ZNF653: variants seen among roughly 807,000 people sequenced by gnomAD.
ZNF653 encodes the protein 67 kDa zinc finger protein.
In ZNF653, 37 loss-of-function variants were observed where a neutral mutation model predicts 59.9. The observed-to-expected ratio is 0.62, with a 90% CI of 0.48 to 0.81. The LOEUF (loss-of-function observed/expected upper bound fraction) is 0.81. Ranked by LOEUF, ZNF653 falls within the 40% of genes least tolerant of loss-of-function variation. The probability of loss-of-function intolerance (pLI) is 0.00; values close to 1 mark genes in which losing one functional copy is unlikely to be tolerated. For missense variants in ZNF653, 808 were observed against 881.1 expected (o/e 0.92, Z 1.05); for synonymous variants, 435 against 371.8 (o/e 1.17, Z -1.96).
chr19:11,490,091 C>T (rs1162776727), intron 3 of ZNF653, among the ~76,000 whole-genome samples: 1 of 152,224 alleles, frequency 6.6e-6, no homozygotes, highest in Non-Finnish European at 1.5e-5. Flanking sequence ...TCCTGGGCTA[C>T]CCTGTATGTC....
rs529706077 is a variant in ZNF653 at position 11,485,557 on chromosome 19, G to C, written c.1570+99C>G. 3.8e-5 allele frequency: 34 copies of C among 888,684 alleles called. No individual in the cohort carries two copies. In the African/African-American group the frequency reaches 5.6e-4, roughly 15 times the overall value. 55.0% of individuals were successfully genotyped at this position (888,684 alleles called of 1,614,324 possible). A position where few individuals can be genotyped will look rare whatever the true frequency, so the allele number is the denominator to read the frequency against. On this transcript the variant is annotated intron_variant, in intron 7 of 8. Coordinates refer to ENST00000293771, the MANE Select transcript of ZNF653 (RefSeq NM_138783.4). ...CTAGGGGTGTAGTCCTGTGCCCGGA[G>C]ACCCAGCACTGGGCTTTGACCCGCC...
intron 3 of ZNF653, among the ~76,000 whole-genome samples, chr19:11,491,555 C>T (rs1263564582): frequency 6.6e-6 from 1 of 152,140 alleles, no homozygotes; most frequent in Non-Finnish European, 1.5e-5. Context: ...GTTCCTGCCT[C>T]AAGGCCTTTG....
intron 2 of ZNF653, among the ~76,000 whole-genome samples, 180 bp downstream of exon 2, chr19:11,498,116 A>C (rs2287671): frequency 0.078 from 11,833 of 152,254 alleles, 739 homozygotes; most frequent in African/African-American, 0.17. Context: ...GAGCAAGAGA[A>C]TGAGGGAGCC....
chr19:11,485,618 G>A (rs1406083754), intron 7 of ZNF653, 38 bp downstream of exon 7: 1 of 1,552,190 alleles, frequency 6.4e-7, no homozygotes, highest in African/African-American at 1.4e-5. Context: ...ATGTCCCTGT[G>A]TCCCCCGCTC....
Position 11,487,399 on chromosome 19 carries a change from G to A in ZNF653, c.1064C>T (p.Pro355Leu). ...TGCCACACCCTCCATCATGGCACAGGGCACCTCCTCGCCCAGTCCACTGCC... is the reference window on the plus strand; with the variant it reads ...TGCCACACCCTCCATCATGGCACAGAGCACCTCCTCGCCCAGTCCACTGCC... ...VPGSGLGEEVPCAMMEGVAAY... is the reference protein window; with the variant it reads ...VPGSGLGEEVLCAMMEGVAAY... The change falls in exon 4 of 9, where the codon CCC becomes CTC. Residue 355 changes from proline to leucine, a missense_variant. Coordinates refer to ENST00000293771, the MANE Select transcript of ZNF653 (RefSeq NM_138783.4). This position sits in a 1 kb window ranked among gnomAD's most constrained non-coding sequence, Gnocchi z 5.1. 1.2e-6 allele frequency: 2 copies of A among 1,612,394 alleles called. No homozygotes were observed. The highest frequency in any genetic ancestry group is 1.7e-6 in the Non-Finnish European group (2 of 1,179,914).
chr19:11,485,808 C>A, intron 6 of ZNF653, 38 bp from the exon 7 acceptor site: 1 of 1,524,986 alleles, frequency 6.6e-7, no homozygotes, highest in African/African-American at 1.4e-5. Context: ...CCCATAGGCC[C>A]ACAGAAGGGG....
At position 11,496,149 on chromosome 19, in the gene ZNF653, C is replaced by T; in HGVS notation, c.360G>A (p.Val120=). ...AGATCACCACGTTCTTCAGGCAGTT[C>T]ACGTTGCGTCGCCGCCCTATGGACA... ...PKRKKRRRRN[V]NCLKNVVIWY... Residue 120 remains valine, a synonymous_variant, in exon 3 of 9, where the codon GTG becomes GTA. Transcript: ENST00000293771. 6.2e-7 allele frequency: 1 copy of T among 1,613,782 alleles called. No homozygotes were observed. Among genetic ancestry groups the T allele is most frequent in the Non-Finnish European group, 8.5e-7 (1 of 1,179,992 alleles).
Position 11,502,935 on chromosome 19 carries a change from G to A in ZNF653, c.299+2553C>T, listed in dbSNP as rs552737832. Among the ~76,000 whole-genome samples, 8 of 152,234 alleles carry A rather than the reference G, an allele frequency of 5.3e-5. No individual in the cohort carries two copies. The South Asian group carries it at 1.2e-3, about 24-fold the overall frequency. ...TGTAATCCCAGCTACTCGGGAGGCTGAGGCAGGAGAATCGCTTGAACGCGG... is the reference window on the plus strand; with the variant it reads ...TGTAATCCCAGCTACTCGGGAGGCTAAGGCAGGAGAATCGCTTGAACGCGG... On this transcript the variant is annotated intron_variant, in intron 1 of 8. Transcript: ENST00000293771.
Position 11,505,590 on chromosome 19 carries a change from T to C in ZNF653, c.197A>G (p.His66Arg). 1 of 1,508,958 alleles carries C rather than the reference T, an allele frequency of 6.6e-7. No individual in the cohort carries two copies. Among genetic ancestry groups the C allele is most frequent in the Non-Finnish European group, 8.8e-7 (1 of 1,136,776 alleles). The allele number at this position is 1,508,958 out of a possible 1,614,324, so 93.5% of individuals were successfully genotyped here. Residue 66 changes from histidine (H) to arginine (R), a missense_variant, in exon 1 of 9, where the codon CAC (histidine) becomes CGC (arginine). Transcript: ENST00000293771. Reference sequence around the variant, plus strand: ...GCGCCGCAGGTCCACCCAGGGCCCGTGCGCCTCGCCCAGGTACACGCGCCG... The same window carrying C: ...GCGCCGCAGGTCCACCCAGGGCCCGCGCGCCTCGCCCAGGTACACGCGCCG... ...DVRRVYLGEA[H>R]GPWVDLRRRS...
At chr19:11,484,499 G>C (rs73512759) in intron 7 of ZNF653, among the ~76,000 whole-genome samples, 11,858 of 151,980 alleles carry the variant, frequency 0.078, 745 homozygotes, top group African/African-American at 0.17. Context: ...CCTTGGTCTC[G>C]CGGGTTCAAG....
chr19:11,489,319 C>T (rs1971506407), intron 3 of ZNF653, among the ~76,000 whole-genome samples: 1 of 152,166 alleles, frequency 6.6e-6, no homozygotes, highest in Non-Finnish European at 1.5e-5. Context: ...TGTGCCTCAG[C>T]CTCCTGAGTA....
chr19:11,499,014 C>A (rs560289008), intron 1 of ZNF653, among the ~76,000 whole-genome samples: 1 of 152,198 alleles, frequency 6.6e-6, no homozygotes, highest in Non-Finnish European at 1.5e-5. Flanking sequence ...CGTGAGCCAC[C>A]GTGCCCAGCC....
chr19:11,497,255 G>A (rs1485359021), intron 2 of ZNF653, among the ~76,000 whole-genome samples: 1 of 152,236 alleles, frequency 6.6e-6, no homozygotes. Context: ...TCAAGAGCAG[G>A]AACACTGCTG....
chr19:11,501,179 T>A (rs1033855772), intron 1 of ZNF653, among the ~76,000 whole-genome samples: 1 of 151,708 alleles, frequency 6.6e-6, no homozygotes, highest in Non-Finnish European at 1.5e-5. Context: ...CCATATCTTT[T>A]TTTTTTTTTT....
chr19:11,497,704 G>A (rs898704442), intron 2 of ZNF653, among the ~76,000 whole-genome samples: 1 of 152,176 alleles, frequency 6.6e-6, no homozygotes, highest in Non-Finnish European at 1.5e-5. Flanking sequence ...TTTGGGTCTA[G>A]GGAATGTGCT....
At position 11,495,448 on chromosome 19, in the gene ZNF653, G is replaced by A. The variant is rs1419811791; in HGVS notation, c.559+502C>T. 1.2e-5 allele frequency: 2 copies of A among 172,346 alleles called. No individual in the cohort carries two copies. The highest frequency in any genetic ancestry group is 2.4e-5 in the African/African-American group (1 of 41,766). The allele number at this position is 172,346 out of a possible 1,614,324, so 10.7% of individuals were successfully genotyped here. A position where few individuals can be genotyped will look rare whatever the true frequency, so the allele number is the denominator to read the frequency against. On this transcript the variant is annotated intron_variant, in intron 3 of 8. Transcript: ENST00000293771. The surrounding 1 kb of genome is among the most constrained non-coding windows in gnomAD (Gnocchi z 4.9). ...GAACAGGAGGGAAACAGAATGGAGG[G>A]GGAAGGCAAGAAACGAAGCCTGGAA...
At chr19:11,496,537 T>A (rs1005532809) in intron 2 of ZNF653, among the ~76,000 whole-genome samples, 9 of 152,092 alleles carry the variant, frequency 5.9e-5, no homozygotes, top group African/African-American at 2.2e-4. Context: ...AGGGGGCGCC[T>A]GTGAATGCCC....
chr19:11,505,017 T>A (rs1205905667), intron 1 of ZNF653: 2 of 156,988 alleles, frequency 1.3e-5, no homozygotes, highest in African/African-American at 2.4e-5. Flanking sequence ...TCTAGGGTTG[T>A]GGGAATGGGG....
In ZNF653 at chr19:11,483,590, C is replaced by T. The variant is rs1971430169; in HGVS notation, c.*92G>A. On this transcript the variant is annotated 3_prime_UTR_variant, in exon 9 of 9. Transcript: ENST00000293771. ...GGGGCGCCTCCTTCCGGCCCGCGGTCCGGGCGGCCCTCGCAGCTGTCCAGG... is the reference window on the plus strand; with the variant it reads ...GGGGCGCCTCCTTCCGGCCCGCGGTTCGGGCGGCCCTCGCAGCTGTCCAGG... The T allele has an allele frequency of 6.8e-7, 1 of 1,471,354 alleles. No individual in the cohort carries two copies. Among genetic ancestry groups the T allele is most frequent in the Non-Finnish European group, 9.0e-7 (1 of 1,105,184 alleles). The allele number at this position is 1,471,354 out of a possible 1,614,324, so 91.1% of individuals were successfully genotyped here.
Sources: allele counts gnomAD v4.1 joint callset (sites outside exome capture counted in the v4.1 genomes callset), GRCh38; gene constraint gnomAD v4.1.1; non-coding constraint Gnocchi (gnomAD v3.1); transcripts MANE v1.5; gene names NCBI Gene and HGNC (gene_info 2026-07-23, HGNC 2026-07-21).